FGGY: variants seen among roughly 807,000 people sequenced by gnomAD.
The protein encoded by FGGY is FGGY carbohydrate kinase domain containing.
Under a neutral mutation model 71.3 loss-of-function variants are expected in FGGY, and 72 were observed. That is an observed-to-expected ratio of 1.01 (90% confidence interval 0.84 to 1.23). FGGY has a LOEUF of 1.23. Ranked by LOEUF, FGGY falls within the 50% of genes most tolerant of loss-of-function variation. The pLI is 0.00. For missense variants in FGGY, 668 were observed against 682.3 expected, an observed-to-expected ratio of 0.98 and a Z score of 0.23; for synonymous variants, 251 against 250.3, an observed-to-expected ratio of 1.00 and a Z score of -0.02.
intron 6 of FGGY, among the ~76,000 whole-genome samples, chr1:59,487,625 T>C (rs1022753500): frequency 1.4e-4 from 22 of 152,186 alleles, no homozygotes; most frequent in African/African-American, 5.3e-4. Context: ...CAGTTAAGCT[T>C]AGGGTGGAGC....
chr1:59,712,509 C>T (rs930770341), intron 14 of FGGY, among the ~76,000 whole-genome samples: 4 of 152,216 alleles, frequency 2.6e-5, no homozygotes, highest in Non-Finnish European at 2.9e-5. Flanking sequence ...CAGAGGTTCT[C>T]CAAGAGGACC....
chr1:59,617,119 T>C lies in FGGY; in HGVS notation c.1012-8869T>C, dbSNP rs560075714. Reference sequence around the variant, plus strand: ...GCTTGCATATGCACATCTTCTCTAATAAGCCACATCTGAAGGTGTCTGCTC... The same window carrying C: ...GCTTGCATATGCACATCTTCTCTAACAAGCCACATCTGAAGGTGTCTGCTC... On this transcript the variant is annotated intron_variant, in intron 9 of 15. Transcript: ENST00000303721. Among the ~76,000 whole-genome samples the C allele has an allele frequency of 2.6e-5, 4 of 152,248 alleles. No homozygotes were observed. In the East Asian group the frequency reaches 7.7e-4, roughly 29 times the overall value.
At chr1:59,507,786 G>T (rs184896747) in intron 6 of FGGY, among the ~76,000 whole-genome samples, 2 of 147,824 alleles carry the variant, frequency 1.4e-5, no homozygotes, top group East Asian at 2.0e-4. Flanking sequence ...TGCCTGCCTC[G>T]GCCTCCCAAA....
At chr1:59,573,492 A>G (rs2096023560) in intron 8 of FGGY, among the ~76,000 whole-genome samples, 1 of 152,096 alleles carries the variant, frequency 6.6e-6, no homozygotes, top group African/African-American at 2.4e-5. Flanking sequence ...GTATGTTCAT[A>G]TATATATGTT....
chr1:59,665,255 T>C (rs1393509801), intron 12 of FGGY, among the ~76,000 whole-genome samples: 1 of 152,146 alleles, frequency 6.6e-6, no homozygotes, highest in African/African-American at 2.4e-5. Flanking sequence ...ACAAAGAACA[T>C]CTGGGAATAA....
chr1:59,589,989 G>T (rs2096397409), intron 8 of FGGY, among the ~76,000 whole-genome samples: 1 of 151,998 alleles, frequency 6.6e-6, no homozygotes. Flanking sequence ...AAAAATTAAT[G>T]AATCTAGGAG....
chr1:59,614,678 G>A (rs1427935766), intron 9 of FGGY, among the ~76,000 whole-genome samples: 2 of 152,106 alleles, frequency 1.3e-5, no homozygotes, highest in Admixed American at 6.5e-5. Flanking sequence ...GAAATAAAGG[G>A]TATTCAATTA....
intron 4 of FGGY, among the ~76,000 whole-genome samples, chr1:59,357,530 T>C (rs941862281): frequency 7.2e-5 from 11 of 152,184 alleles, no homozygotes; most frequent in Admixed American, 7.2e-4. Flanking sequence ...CCTTTGGGCT[T>C]AAACTGGAGC....
At chr1:59,674,257 C>T (rs1010129032) in intron 14 of FGGY, 124 bp downstream of exon 14, 3 of 660,730 alleles carry the variant, frequency 4.5e-6, no homozygotes, top group African/African-American at 3.6e-5. Context: ...AGGTTCCAGC[C>T]AGGGAAAGCA....
rs1474972750 is a variant in FGGY, at chr1:59,373,594, C to G, written c.466-5155C>G. Among the ~76,000 whole-genome samples, 6 of 151,472 alleles carry G rather than the reference C, an allele frequency of 4.0e-5. No homozygotes were observed. The South Asian group carries it at 8.4e-4, about 21-fold the overall frequency. On this transcript the variant is annotated intron_variant, in intron 4 of 15. Coordinates refer to ENST00000303721, the MANE Select transcript of FGGY (RefSeq NM_018291.5). ...ATGGAACCAAAAAAGAGCCCGCATCCCCAAGTCAATCCTAAGCCAAAAGAA... is the reference window on the plus strand; with the variant it reads ...ATGGAACCAAAAAAGAGCCCGCATCGCCAAGTCAATCCTAAGCCAAAAGAA...
chr1:59,705,167 C>T lies in FGGY; in HGVS notation c.1512+31034C>T, dbSNP rs1273361081. 3.3e-5 allele frequency among the ~76,000 whole-genome samples: 5 copies of T among 152,136 alleles called. 1 individual carries two copies. ...TCTGCTCTACATACCAATTCTTTATCTATCATTACATACTGAAGACATTCT... is the reference window on the plus strand; with the variant it reads ...TCTGCTCTACATACCAATTCTTTATTTATCATTACATACTGAAGACATTCT... On this transcript the variant is annotated intron_variant, in intron 14 of 15. Transcript: ENST00000303721.
intron 4 of FGGY, among the ~76,000 whole-genome samples, chr1:59,372,208 T>A (rs931030683): frequency 3.3e-5 from 5 of 151,908 alleles, no homozygotes; most frequent in Non-Finnish European, 7.4e-5. Context: ...TAGACGCAAT[T>A]AAAAATGATA....
Position 59,317,568 on chromosome 1 carries a change from A to C in FGGY, c.-14-3968A>C, listed in dbSNP as rs187808066. ...TAAGATTAGGAGTCTAGGACGCAGC[A>C]GATCATATTCATGACCCAGGAACAA... On this transcript the variant is annotated intron_variant, in intron 1 of 15. Transcript: ENST00000303721. 2.8e-3 allele frequency among the ~76,000 whole-genome samples: 420 copies of C among 152,348 alleles called. 4 individuals are homozygous for C. The highest frequency in any genetic ancestry group is 9.2e-3 in the African/African-American group (382 of 41,584).
chr1:59,320,831 C>T (rs1421937870), intron 1 of FGGY, among the ~76,000 whole-genome samples: 1 of 152,188 alleles, frequency 6.6e-6, no homozygotes, highest in East Asian at 1.9e-4. Context: ...GTCCAGGCTG[C>T]CCCTGAATGA....
intron 11 of FGGY, among the ~76,000 whole-genome samples, chr1:59,645,305 G>A (rs1242486907): frequency 6.6e-6 from 1 of 152,176 alleles, no homozygotes; most frequent in Non-Finnish European, 1.5e-5. Context: ...CAATGCCCTT[G>A]AATTGGCAGC....
intron 5 of FGGY, among the ~76,000 whole-genome samples, chr1:59,404,364 GAA>G (rs535670569): frequency 6.0e-5 from 9 of 150,196 alleles, no homozygotes; most frequent in Non-Finnish European, 1.0e-4. Flanking sequence ...CGGAACTTAA[GAA>G]AAAAAAATAC....
At chr1:59,501,125 A>C (rs1162432407) in intron 6 of FGGY, among the ~76,000 whole-genome samples, 7 of 152,182 alleles carry the variant, frequency 4.6e-5, no homozygotes, top group Non-Finnish European at 1.0e-4. Flanking sequence ...ACCATTTTGT[A>C]AGTCAGCAGT....
chr1:59,304,004 A>G (rs1191362568), intron 1 of FGGY, among the ~76,000 whole-genome samples: 1 of 152,126 alleles, frequency 6.6e-6, no homozygotes, highest in African/African-American at 2.4e-5. Context: ...TTATTGGGAT[A>G]TATGATTTGT....
At chr1:59,491,932 G>C (rs544248770) in intron 6 of FGGY, among the ~76,000 whole-genome samples, 6 of 152,034 alleles carry the variant, frequency 3.9e-5, no homozygotes, top group African/African-American at 9.7e-5. Flanking sequence ...GACGCGTGTC[G>C]TTCTTATTGG....
Sources: allele counts gnomAD v4.1 joint callset (sites outside exome capture counted in the v4.1 genomes callset), GRCh38; gene constraint gnomAD v4.1.1; transcripts MANE v1.5; gene names NCBI Gene and HGNC (gene_info 2026-07-23, HGNC 2026-07-21).